The following ACOXL variants were observed in gnomAD, a reference collection of about 807,000 sequenced individuals.
ACOXL encodes acyl-coenzyme A oxidase-like protein.
In ACOXL, 70 loss-of-function variants were observed where a neutral mutation model predicts 71.9. That is an observed-to-expected ratio of 0.97 (90% CI 0.80 to 1.19). The LOEUF (loss-of-function observed/expected upper bound fraction) is 1.19, where lower values mean the gene tolerates loss of function less well. Ranked by LOEUF, ACOXL falls within the 50% of genes most tolerant of loss-of-function variation. ACOXL has a pLI of 0.00. For missense variants in ACOXL, 703 were observed against 736.3 expected (o/e 0.95, Z 0.52); for synonymous variants, 253 against 281.6 (o/e 0.90, Z 1.02).
intron 13 of ACOXL, among the ~76,000 whole-genome samples, chr2:110,991,864 T>G (rs1381828996): frequency 6.6e-6 from 1 of 152,212 alleles, no homozygotes; most frequent in Non-Finnish European, 1.5e-5. Context: ...TTCTAGCTGT[T>G]GAGTAGGACG....
chr2:111,007,877 C>T (rs1278645235), intron 14 of ACOXL, among the ~76,000 whole-genome samples: 1 of 152,194 alleles, frequency 6.6e-6, no homozygotes, highest in African/African-American at 2.4e-5. Flanking sequence ...CCAATTCAAA[C>T]AACAGGGCTT....
At chr2:110,961,572 C>G (rs2061700959) in intron 12 of ACOXL, among the ~76,000 whole-genome samples, 1 of 152,180 alleles carries the variant, frequency 6.6e-6, no homozygotes, top group South Asian at 2.1e-4. Flanking sequence ...AAAAAAAACA[C>G]TTTGTTTCTT....
intron 11 of ACOXL, among the ~76,000 whole-genome samples, chr2:110,913,932 C>T (rs1485101964): frequency 6.6e-6 from 1 of 152,142 alleles, no homozygotes; most frequent in Non-Finnish European, 1.5e-5. Flanking sequence ...AAATACCTCC[C>T]ACCATGTCTC....
At chr2:111,093,570 A>G in intron 17 of ACOXL, 1 of 1,608,708 alleles carries the variant, frequency 6.2e-7, no homozygotes, top group Admixed American at 1.7e-5. Context: ...ACCACTTTAA[A>G]AACATAAATA....
At chr2:110,791,784 C>T (rs1447040800) in intron 3 of ACOXL, among the ~76,000 whole-genome samples, 2 of 152,170 alleles carry the variant, frequency 1.3e-5, no homozygotes, top group Non-Finnish European at 2.9e-5. Context: ...TGTTCATACA[C>T]GTGGGGTATG....
At chr2:111,046,000 G>A (rs2065999704) in intron 15 of ACOXL, among the ~76,000 whole-genome samples, 2 of 152,172 alleles carry the variant, frequency 1.3e-5, no homozygotes, top group South Asian at 2.1e-4. Context: ...TAGGATCCAA[G>A]CCCATCTCCT....
chr2:110,895,072 C>G (rs2058953528), intron 10 of ACOXL, among the ~76,000 whole-genome samples: 2 of 152,080 alleles, frequency 1.3e-5, no homozygotes, highest in South Asian at 4.1e-4. Context: ...TCAATAGGTG[C>G]TAACACCAAA....
chr2:110,903,427 A>G (rs907288254), intron 10 of ACOXL, among the ~76,000 whole-genome samples: 1 of 152,248 alleles, frequency 6.6e-6, no homozygotes, highest in African/African-American at 2.4e-5. Context: ...TTTCAAATCT[A>G]TAATTTTAAA....
At chr2:110,989,048 C>G (rs1319251368) in intron 13 of ACOXL, among the ~76,000 whole-genome samples, 1 of 151,906 alleles carries the variant, frequency 6.6e-6, no homozygotes, top group African/African-American at 2.4e-5. Flanking sequence ...TCAATCTTTT[C>G]TTTTATATCC....
chr2:110,871,508 T>G (rs1695271617), intron 10 of ACOXL, among the ~76,000 whole-genome samples: 1 of 152,116 alleles, frequency 6.6e-6, no homozygotes, highest in Non-Finnish European at 1.5e-5. Flanking sequence ...GGACTGCAGA[T>G]TTCATTCATC....
intron 12 of ACOXL, among the ~76,000 whole-genome samples, chr2:110,941,426 A>G (rs2060864226): frequency 6.6e-6 from 1 of 152,194 alleles, no homozygotes; most frequent in South Asian, 2.1e-4. Flanking sequence ...TCCCCTGTGC[A>G]AGCTTCCAGC....
rs528590364 is a variant in ACOXL, at chr2:110,855,229, G to T, written c.788+13824G>T. 1.1e-3 allele frequency among the ~76,000 whole-genome samples: 167 copies of T among 152,318 alleles called. 1 individual carries two copies. The highest frequency in any genetic ancestry group is 0.01 in the Middle Eastern group (3 of 294). On this transcript the variant is annotated intron_variant, in intron 10 of 17. Coordinates refer to ENST00000439055, the MANE Select transcript of ACOXL (RefSeq NM_001142807.4). ...ACAGTTATTCCTGACCTTAAAACTA[G>T]TCTTGATGTGGAGGAGACATCAGTG...
chr2:111,087,884 T>C (rs2068298420), intron 16 of ACOXL, among the ~76,000 whole-genome samples: 2 of 152,166 alleles, frequency 1.3e-5, no homozygotes, highest in Non-Finnish European at 2.9e-5. Flanking sequence ...GAGAAAATAT[T>C]TGCAAACTAT....
intron 11 of ACOXL, among the ~76,000 whole-genome samples, chr2:110,917,160 A>G (rs1574111036): frequency 6.6e-6 from 1 of 152,368 alleles, no homozygotes; most frequent in East Asian, 1.9e-4. Context: ...AATCCTCGAT[A>G]AAATACTGGC....
At chr2:111,093,397 A>G (rs948916566) in intron 17 of ACOXL, 1 of 1,572,996 alleles carries the variant, frequency 6.4e-7, no homozygotes, top group Non-Finnish European at 8.7e-7. Context: ...TGAGGCCAGT[A>G]TTCACCACGA....
At chr2:111,110,729 C>T (rs973054936) in intron 17 of ACOXL, among the ~76,000 whole-genome samples, 2 of 152,228 alleles carry the variant, frequency 1.3e-5, no homozygotes, top group East Asian at 3.8e-4. Context: ...ACTTCATTAA[C>T]GTTACTTTCT....
Position 111,010,097 on chromosome 2 carries a change from T to G in ACOXL, c.1281+14093T>G, listed in dbSNP as rs534001742. Among the ~76,000 whole-genome samples the G allele has an allele frequency of 2.6e-5, 4 of 152,236 alleles. No homozygotes were observed. The South Asian group carries it at 8.3e-4, about 32-fold the overall frequency. On this transcript the variant is annotated intron_variant, in intron 14 of 17. Transcript: ENST00000439055. ...AGGCATGGGAAGAAATAGGAACACA[T>G]GATCCATAGCCAAGAGAAAAATCAT...
chr2:111,053,148 C>T (rs1213617986), intron 16 of ACOXL, among the ~76,000 whole-genome samples: 1 of 152,218 alleles, frequency 6.6e-6, no homozygotes, highest in Non-Finnish European at 1.5e-5. Context: ...CAGCATCACA[C>T]TCTGCAAAGT....
At chr2:111,014,164 G>A (rs559844660) in intron 14 of ACOXL, among the ~76,000 whole-genome samples, 5 of 152,128 alleles carry the variant, frequency 3.3e-5, no homozygotes, top group South Asian at 2.1e-4. Flanking sequence ...TCCTAAAGAC[G>A]GAACAAGGCA....
Sources: gnomAD v4.1 joint callset for allele counts (sites outside exome capture counted in the v4.1 genomes callset) on GRCh38, gnomAD v4.1.1 for gene constraint, MANE v1.5 for transcripts, NCBI Gene and HGNC (gene_info 2026-07-23, HGNC 2026-07-21) for gene names.